The following ZNF536 variants were observed in gnomAD, a reference collection of about 807,000 sequenced individuals.
The protein encoded by ZNF536 is zinc finger protein 536.
In ZNF536, 13 loss-of-function variants were observed where a neutral mutation model predicts 84.5. That is an observed-to-expected ratio of 0.15 (90% CI 0.10 to 0.24). ZNF536 has a LOEUF of 0.24. Among genes scored for constraint, ZNF536 ranks in the 10% least tolerant of loss-of-function variants. The pLI is 1.00. For missense variants in ZNF536, 1,536 were observed against 1,747.5 expected (o/e 0.88, Z 2.16); for synonymous variants, 811 against 742.5 (o/e 1.09, Z -1.50).
At chr19:30,464,926 T>TG (rs1274755062) in intron 2 of ZNF536, among the ~76,000 whole-genome samples, 1 of 152,064 alleles carries the variant, frequency 6.6e-6, no homozygotes, top group Non-Finnish European at 1.5e-5. Flanking sequence ...GGAAAGTGGC[T>TG]GGAACCCCCA....
intron 2 of ZNF536, among the ~76,000 whole-genome samples, chr19:30,457,559 G>A (rs751465983): frequency 6.6e-5 from 10 of 152,248 alleles, no homozygotes; most frequent in Admixed American, 1.3e-4. Context: ...GCCTCCCCGA[G>A]GGAGAGCACT....
chr19:30,366,178 G>A (rs991048050), intron 3 of ZNF536, among the ~76,000 whole-genome samples: 9 of 152,078 alleles, frequency 5.9e-5, no homozygotes, highest in East Asian at 1.9e-4. Context: ...ATCATATGCC[G>A]CTCTGGTCAT....
At chr19:30,357,309 C>A (rs191135772) in intron 3 of ZNF536, among the ~76,000 whole-genome samples, 32 of 152,272 alleles carry the variant, frequency 2.1e-4, no homozygotes, top group Middle Eastern at 3.4e-3. Context: ...GAAAGAACAG[C>A]ATGTGCAAAG....
At chr19:30,664,204 T>TTCTCTCTCTCTCTCTCTCTC (rs71173915) in intron 1 of ZNF536, among the ~76,000 whole-genome samples, 3 of 90,716 alleles carry the variant, frequency 3.3e-5, no homozygotes, top group Non-Finnish European at 6.4e-5. Flanking sequence ...TTGCTGAGTT[T>TTCTCTCTCTCTCTCTCTCTC]TCTCTCTCTC....
Position 30,490,948 on chromosome 19 carries a change from G to T in ZNF536, c.2171-43899G>T, listed in dbSNP as rs369095881. ...AGCTGTCTTTAGGGGCGTTGAGGGT[G>T]TTAGCAATGAACAGGAGTGGGCAGG... is the stretch of plus-strand genomic sequence containing the variant. On this transcript the variant is annotated intron_variant, in intron 2 of 4. Transcript: ENST00000355537. Among the ~76,000 whole-genome samples the T allele has an allele frequency of 2.6e-5, 4 of 152,174 alleles. No homozygotes were observed. In the East Asian group the frequency reaches 7.7e-4, roughly 29 times the overall value.
At chr19:30,329,120 T>C (rs1238892077) in intron 2 of ZNF536, among the ~76,000 whole-genome samples, 1 of 152,174 alleles carries the variant, frequency 6.6e-6, no homozygotes, top group Non-Finnish European at 1.5e-5. Context: ...CTCTTAGCCC[T>C]CAAGAGTCCC....
At chr19:30,340,940 G>A (rs534692490) in intron 2 of ZNF536, among the ~76,000 whole-genome samples, 9 of 151,996 alleles carry the variant, frequency 5.9e-5, no homozygotes, top group African/African-American at 2.2e-4. Flanking sequence ...CACTTAATTC[G>A]GTTCCAGCCG....
chr19:30,319,074 G>C (rs1017380963), intron 2 of ZNF536, among the ~76,000 whole-genome samples: 1 of 152,222 alleles, frequency 6.6e-6, no homozygotes, highest in Non-Finnish European at 1.5e-5. Flanking sequence ...TTCCCTGTCT[G>C]AGAGCGTTTT....
intron 2 of ZNF536, among the ~76,000 whole-genome samples, chr19:30,290,759 T>C (rs2045809595): frequency 6.6e-6 from 1 of 152,196 alleles, no homozygotes; most frequent in African/African-American, 2.4e-5. Flanking sequence ...GCCATAGTAG[T>C]TTGCTGCACC....
chr19:30,302,456 G>A (rs1006879020), intron 2 of ZNF536, among the ~76,000 whole-genome samples: 2 of 152,196 alleles, frequency 1.3e-5, no homozygotes, highest in African/African-American at 4.8e-5. Flanking sequence ...GTTGTCACAT[G>A]CAGAATCCTA....
chr19:30,645,360 C>T (rs944846493), intron 1 of ZNF536, among the ~76,000 whole-genome samples: 1 of 152,132 alleles, frequency 6.6e-6, no homozygotes, highest in Non-Finnish European at 1.5e-5. Flanking sequence ...TGTGCAGAAG[C>T]TCTTTAGTCT....
At position 30,557,227 on chromosome 19, in the gene ZNF536, A is replaced by G; in HGVS notation, c.*63A>G. 1 of 1,574,734 alleles carries G rather than the reference A, an allele frequency of 6.4e-7. No homozygotes were observed. Among genetic ancestry groups the G allele is most frequent in the Non-Finnish European group, 8.7e-7 (1 of 1,146,086 alleles). ...TGTCTGTTCGTGGTCCTCGGTGGTT[A>G]TCTGCAGCTTGTTAATCGTGTAAAG... is the stretch of plus-strand genomic sequence containing the variant. On this transcript the variant is annotated 3_prime_UTR_variant, in exon 5 of 5. Coordinates refer to ENST00000355537, the MANE Select transcript of ZNF536 (RefSeq NM_014717.3).
intron 2 of ZNF536, among the ~76,000 whole-genome samples, chr19:30,511,698 T>A (rs2055420662): frequency 6.6e-6 from 1 of 152,228 alleles, no homozygotes; most frequent in African/African-American, 2.4e-5. Context: ...ATTTTAAATA[T>A]AATTAATTTA....
chr19:30,285,702 A>G (rs879650264), intron 2 of ZNF536, among the ~76,000 whole-genome samples: 2 of 152,120 alleles, frequency 1.3e-5, no homozygotes, highest in African/African-American at 2.4e-5. Context: ...GGTCTTTCAC[A>G]TTTGGCATTA....
At chr19:30,351,139 G>C (rs1324478983) in intron 2 of ZNF536, among the ~76,000 whole-genome samples, 1 of 152,130 alleles carries the variant, frequency 6.6e-6, no homozygotes, top group Non-Finnish European at 1.5e-5. Context: ...CCAAGAAAAA[G>C]AATAAAACTG....
At chr19:30,281,905 G>T (rs1275304315) in intron 1 of ZNF536, among the ~76,000 whole-genome samples, 2 of 152,160 alleles carry the variant, frequency 1.3e-5, no homozygotes, top group Non-Finnish European at 2.9e-5. Context: ...GGGTCCCTGT[G>T]GGGGACAGGG....
chr19:30,394,080 G>C (rs538935895), intron 1 of ZNF536, among the ~76,000 whole-genome samples: 4 of 152,260 alleles, frequency 2.6e-5, no homozygotes, highest in Non-Finnish European at 5.9e-5. Context: ...TGGAAAAAGG[G>C]CAGCTCTCTA....
chr19:30,418,529 C>G (rs2050825728), intron 1 of ZNF536, among the ~76,000 whole-genome samples: 1 of 152,174 alleles, frequency 6.6e-6, no homozygotes, highest in African/African-American at 2.4e-5. Flanking sequence ...TAAACTTGTG[C>G]ATCCTTCCTC....
chr19:30,534,543 T>C (rs541259122), intron 2 of ZNF536, among the ~76,000 whole-genome samples: 37 of 152,306 alleles, frequency 2.4e-4, no homozygotes, highest in African/African-American at 8.7e-4. Flanking sequence ...TTGAAAAAAA[T>C]ATTTAATAGG....
Sources: gnomAD v4.1 joint callset for allele counts (sites outside exome capture counted in the v4.1 genomes callset) on GRCh38, gnomAD v4.1.1 for gene constraint, MANE v1.5 for transcripts, NCBI Gene and HGNC (gene_info 2026-07-23, HGNC 2026-07-21) for gene names.